WDR25: variants seen among roughly 807,000 people sequenced by gnomAD.
The protein encoded by WDR25 is WD repeat domain 25, also known as WD repeat-containing protein 25.
In WDR25, 35 loss-of-function variants were observed where a neutral mutation model predicts 47.7. The observed-to-expected ratio is 0.73, with a 90% CI of 0.56 to 0.97. WDR25 has a LOEUF of 0.97. Among genes scored for constraint, WDR25 ranks in the 50% least tolerant of loss-of-function variants. WDR25 has a pLI of 0.00. For synonymous variants in WDR25, 248 were observed against 278.9 expected (o/e 0.89, Z 1.10); for missense variants, 634 against 704.7 (o/e 0.90, Z 1.14).
Position 100,484,107 on chromosome 14 carries a change from G to A in WDR25, c.1084G>A (p.Asp362Asn). ...CTTCAGCTCTGAAATGAAAGCTTGG[G>A]ATATAAGGACTGGCAAGGTAATAGC... Reference protein sequence around the residue: ...GGFSSEMKAWDIRTGKVMRSY... With the variant: ...GGFSSEMKAWNIRTGKVMRSY... The change falls in exon 4 of 7, where the codon GAT (aspartate) becomes AAT (asparagine). Residue 362 changes from aspartate (D) to asparagine (N), a missense_variant. By Grantham distance (23) the Asp-to-Asn change is conservative (BLOSUM62 1). Coordinates refer to ENST00000402312, the MANE Select transcript of WDR25 (RefSeq NM_001161476.3). 1 of 1,613,272 alleles carries A rather than the reference G, an allele frequency of 6.2e-7. No individual in the cohort carries two copies. The highest frequency in any genetic ancestry group is 8.5e-7 in the Non-Finnish European group (1 of 1,179,762).
At chr14:100,412,540 G>A (rs1320069866) in intron 2 of WDR25, among the ~76,000 whole-genome samples, 26 of 152,182 alleles carry the variant, frequency 1.7e-4, no homozygotes, top group Non-Finnish European at 1.3e-4. Flanking sequence ...ATGCATGTGC[G>A]TCTACGTTAA....
intron 2 of WDR25, among the ~76,000 whole-genome samples, chr14:100,398,675 T>TTTCCACTAA (rs1041684743): frequency 4.0e-5 from 6 of 149,440 alleles, no homozygotes; most frequent in Non-Finnish European, 5.9e-5. Flanking sequence ...TTCACCAGGT[T>TTTCCACTAA]TTCCACTAAT....
intron 2 of WDR25, among the ~76,000 whole-genome samples, chr14:100,393,272 A>G (rs1329011352): frequency 6.6e-6 from 1 of 152,244 alleles, no homozygotes; most frequent in East Asian, 1.9e-4. Flanking sequence ...AGATTTTATA[A>G]ACAGAAGTGC....
At position 100,381,126 on chromosome 14, in the gene WDR25, G is replaced by A; in HGVS notation, c.202G>A (p.Gly68Ser). The A allele has an allele frequency of 6.2e-7, 1 of 1,614,216 alleles. No homozygotes were observed. Among genetic ancestry groups the A allele is most frequent in the South Asian group, 1.1e-5 (1 of 91,066 alleles). ...PKAGAQPTKH[G>S]SCEDPGGYRL... Reference sequence around the variant, plus strand: ...AGCAGGGGCACAGCCCACAAAGCATGGCTCCTGTGAAGACCCAGGGGGCTA... The same window carrying A: ...AGCAGGGGCACAGCCCACAAAGCATAGCTCCTGTGAAGACCCAGGGGGCTA... Residue 68 changes from glycine to serine, a missense_variant, in exon 2 of 7, where the codon GGC becomes AGC. Gly to Ser is a moderately conservative substitution (Grantham distance 56). Coordinates refer to ENST00000402312, the MANE Select transcript of WDR25 (RefSeq NM_001161476.3).
chr14:100,515,429 T>A (rs1468772035), intron 4 of WDR25, among the ~76,000 whole-genome samples: 1 of 152,138 alleles, frequency 6.6e-6, no homozygotes, highest in Non-Finnish European at 1.5e-5. Context: ...TTCTTCCATA[T>A]CTTCAAATTT....
intron 2 of WDR25, among the ~76,000 whole-genome samples, chr14:100,387,386 T>A (rs566986712): frequency 6.6e-6 from 1 of 152,314 alleles, no homozygotes; most frequent in South Asian, 2.1e-4. Flanking sequence ...TTTTAGAATC[T>A]AAAGAGTTTG....
At position 100,424,987 on chromosome 14, in the gene WDR25, G is replaced by A. The variant is rs1487603909; in HGVS notation, c.823-43034G>A. 6.6e-6 allele frequency among the ~76,000 whole-genome samples: 1 copy of A among 152,136 alleles called. No homozygotes were observed. The highest frequency in any genetic ancestry group is 2.4e-5 in the African/African-American group (1 of 41,428). ...GTGGCTTCCCCATGAAGCATCTCTT[G>A]GGTCTGTCTGTTTCTCTCTTCATCC... is the stretch of plus-strand genomic sequence containing the variant. On this transcript the variant is annotated intron_variant, in intron 2 of 6. Transcript: ENST00000402312. The surrounding 1 kb of genome is among the most constrained non-coding windows in gnomAD (Gnocchi z 4.2).
At chr14:100,432,285 A>G (rs1016317441) in intron 2 of WDR25, among the ~76,000 whole-genome samples, 6 of 152,248 alleles carry the variant, frequency 3.9e-5, no homozygotes, top group Non-Finnish European at 8.8e-5. Context: ...AACACTCACT[A>G]TAAAAATATA....
At chr14:100,439,719 T>C (rs1004808367) in intron 2 of WDR25, among the ~76,000 whole-genome samples, 3 of 152,260 alleles carry the variant, frequency 2.0e-5, no homozygotes, top group African/African-American at 7.2e-5. Flanking sequence ...TGTGCTCAGC[T>C]TAACTCTTTG....
At position 100,392,729 on chromosome 14, in the gene WDR25, C is replaced by T. The variant is rs1897172772; in HGVS notation, c.822+10983C>T. On this transcript the variant is annotated intron_variant, in intron 2 of 6. Coordinates refer to ENST00000402312, the MANE Select transcript of WDR25 (RefSeq NM_001161476.3). The surrounding 1 kb of genome is among the most constrained non-coding windows in gnomAD (Gnocchi z 4.2). ...GTCAATTTTCACTGGTTCCATGACG[C>T]TCTATCGAGTTGATTAACTGTAATT... Among the ~76,000 whole-genome samples, 1 of 152,162 alleles carries T rather than the reference C, an allele frequency of 6.6e-6. No homozygotes were observed. Among genetic ancestry groups the T allele is most frequent in the African/African-American group, 2.4e-5 (1 of 41,422 alleles).
intron 2 of WDR25, among the ~76,000 whole-genome samples, chr14:100,432,197 T>G (rs1471548070): frequency 6.6e-6 from 1 of 152,154 alleles, no homozygotes; most frequent in Non-Finnish European, 1.5e-5. Flanking sequence ...CTTACTTAGG[T>G]TAGGAAGTCT....
At chr14:100,451,532 C>T (rs1289302985) in intron 2 of WDR25, among the ~76,000 whole-genome samples, 8 of 152,174 alleles carry the variant, frequency 5.3e-5, no homozygotes, top group African/African-American at 1.2e-4. Context: ...TTCATTCTTA[C>T]GTGAGCTGTT....
intron 1 of WDR25, among the ~76,000 whole-genome samples, chr14:100,379,806 A>G (rs1896831714): frequency 6.6e-6 from 1 of 151,656 alleles, no homozygotes; most frequent in Admixed American, 6.6e-5. Context: ...CAGTGGCACA[A>G]TCTCGGTTCA....
chr14:100,415,691 A>G (rs1166570238), intron 2 of WDR25, among the ~76,000 whole-genome samples: 1 of 152,174 alleles, frequency 6.6e-6, no homozygotes, highest in East Asian at 1.9e-4. Flanking sequence ...TGTACAGGTA[A>G]CACCTTGCCT....
In WDR25 at chr14:100,498,939, TG is replaced by T. The variant is rs1900824808; in HGVS notation, c.1101+14819del. Among the ~76,000 whole-genome samples the T allele has an allele frequency of 6.6e-6, 1 of 152,160 alleles. No individual in the cohort carries two copies. The highest frequency in any genetic ancestry group is 2.4e-5 in the African/African-American group (1 of 41,436). Reference sequence around the variant, plus strand: ...TGTGAGCCGATGAGAGGGCTTGTCGTGGGGTCCCCCTGTGACTTGGGTGCAA... The same window carrying T: ...TGTGAGCCGATGAGAGGGCTTGTCGTGGGTCCCCCTGTGACTTGGGTGCAA... On this transcript the variant is annotated intron_variant, in intron 4 of 6. Transcript: ENST00000402312. The surrounding 1 kb of genome is among the most constrained non-coding windows in gnomAD (Gnocchi z 4.2).
intron 5 of WDR25, among the ~76,000 whole-genome samples, chr14:100,527,254 T>C (rs1417769866): frequency 6.6e-6 from 1 of 151,192 alleles, no homozygotes; most frequent in Non-Finnish European, 1.5e-5. Context: ...GTCATCTCTG[T>C]CACACCACCA....
At chr14:100,524,926 C>T (rs1257834397) in intron 4 of WDR25, among the ~76,000 whole-genome samples, 1 of 152,164 alleles carries the variant, frequency 6.6e-6, no homozygotes, top group Admixed American at 6.5e-5. Flanking sequence ...AATATGTCTG[C>T]AAAATTTGAA....
Position 100,499,249 on chromosome 14 carries a change from TATA to T in WDR25, c.1101+15129_1101+15131del, listed in dbSNP as rs1454844674. Among the ~76,000 whole-genome samples the T allele has an allele frequency of 6.6e-6, 1 of 152,252 alleles. No homozygotes were observed. The highest frequency in any genetic ancestry group is 1.5e-5 in the Non-Finnish European group (1 of 68,038). ...TTTATATAATTGTCTTTCAGCTTAT[TATA>T]ATATCATTAGAATTTCCCATATTGT... On this transcript the variant is annotated intron_variant, in intron 4 of 6. Transcript: ENST00000402312. The surrounding 1 kb of genome is among the most constrained non-coding windows in gnomAD (Gnocchi z 4.4).
intron 2 of WDR25, among the ~76,000 whole-genome samples, chr14:100,419,745 G>A (rs1258826670): frequency 1.3e-5 from 2 of 152,172 alleles, no homozygotes; most frequent in African/African-American, 4.8e-5. Flanking sequence ...GGAACCTCGC[G>A]TCTAATCTAT....
Sources: allele counts gnomAD v4.1 joint callset (sites outside exome capture counted in the v4.1 genomes callset), GRCh38; gene constraint gnomAD v4.1.1; non-coding constraint Gnocchi (gnomAD v3.1); transcripts MANE v1.5; gene names NCBI Gene and HGNC (gene_info 2026-07-23, HGNC 2026-07-21).